Variants in PTPRM observed in about 807,000 individuals in gnomAD.
PTPRM encodes protein tyrosine phosphatase receptor type M.
Under a neutral mutation model 186.7 loss-of-function variants are expected in PTPRM, and 47 were observed. The observed-to-expected ratio is 0.25, with a 90% confidence interval of 0.20 to 0.32. The LOEUF (loss-of-function observed/expected upper bound fraction) is 0.32, where lower values mean the gene tolerates loss of function less well. Among genes scored for constraint, PTPRM ranks in the 10% least tolerant of loss-of-function variants. The probability of loss-of-function intolerance (pLI) is 1.00; values close to 1 mark genes in which losing one functional copy is unlikely to be tolerated. For missense variants in PTPRM, 1,494 were observed against 1,865.0 expected, an observed-to-expected ratio of 0.80 and a Z score of 3.66; for synonymous variants, 668 against 674.9, an observed-to-expected ratio of 0.99 and a Z score of 0.16.
chr18:7,806,519 T>C (rs998278485), intron 2 of PTPRM, among the ~76,000 whole-genome samples: 1 of 152,166 alleles, frequency 6.6e-6, no homozygotes, highest in African/African-American at 2.4e-5. Flanking sequence ...AATTAAAATA[T>C]AGCAATGAAA....
rs771382024 is a variant in PTPRM at position 8,376,529 on chromosome 18, G to A, written c.3394G>A (p.Gly1132Arg). 6.2e-7 allele frequency: 1 copy of A among 1,614,032 alleles called. No homozygotes were observed. The highest frequency in any genetic ancestry group is 8.5e-7 in the Non-Finnish European group (1 of 1,180,018). The change falls in exon 26 of 33, where the codon GGG becomes AGG. Residue 1132 changes from glycine to arginine, a missense_variant. Gly to Arg is a moderately radical substitution (Grantham distance 125). Coordinates refer to ENST00000580170, the MANE Select transcript of PTPRM (RefSeq NM_001105244.2). ...CATGTTGGACATGGCCGAAAGGGAAGGGGTCGTAGACATCTACAACTGCGT... is the reference window on the plus strand; with the variant it reads ...CATGTTGGACATGGCCGAAAGGGAAAGGGTCGTAGACATCTACAACTGCGT... ...DIMLDMAERE[G>R]VVDIYNCVRE... is the part of the protein sequence containing the mutation.
chr18:7,726,563 A>G (rs1462809482), intron 1 of PTPRM, among the ~76,000 whole-genome samples: 1 of 152,148 alleles, frequency 6.6e-6, no homozygotes, highest in Non-Finnish European at 1.5e-5. Context: ...TGAGTGGTGT[A>G]TCTTTACCTC....
chr18:7,602,938 T>G (rs536378216), intron 1 of PTPRM, among the ~76,000 whole-genome samples: 260 of 143,752 alleles, frequency 1.8e-3, no homozygotes, highest in African/African-American at 6.4e-3. Flanking sequence ...TTATTATTAT[T>G]ATTATTTGAG....
In PTPRM at chr18:8,067,551, A is replaced by G. The variant is rs112468866; in HGVS notation, c.1133-2135A>G. Among the ~76,000 whole-genome samples, 899 of 152,298 alleles carry G rather than the reference A, an allele frequency of 5.9e-3. 11 individuals are homozygous for G. The highest frequency in any genetic ancestry group is 0.02 in the African/African-American group (833 of 41,568). On this transcript the variant is annotated intron_variant, in intron 7 of 32. Coordinates refer to ENST00000580170, the MANE Select transcript of PTPRM (RefSeq NM_001105244.2). Reference sequence around the variant, plus strand: ...AGCATGAATGATCTTTATTAATCCCATTTTATGATTGCAGCAGATATCTGG... The same window carrying G: ...AGCATGAATGATCTTTATTAATCCCGTTTTATGATTGCAGCAGATATCTGG...
Position 7,568,079 on chromosome 18 carries a change from C to T in PTPRM, c.73+188C>T, listed in dbSNP as rs2036472598. ...GAGGGGCCGTGGGGCTGGCAGGCAC[C>T]CAGTCCTCGGGCGGGCGGAGCGGAC... On this transcript the variant is annotated intron_variant, in intron 1 of 32. Coordinates refer to ENST00000580170, the MANE Select transcript of PTPRM (RefSeq NM_001105244.2). The surrounding 1 kb of genome is among the most constrained non-coding windows in gnomAD (Gnocchi z 5.1). 6.6e-6 allele frequency among the ~76,000 whole-genome samples: 1 copy of T among 151,890 alleles called. No individual in the cohort carries two copies. Among genetic ancestry groups the T allele is most frequent in the African/African-American group, 2.4e-5 (1 of 41,396 alleles).
intron 7 of PTPRM, among the ~76,000 whole-genome samples, chr18:8,040,372 A>G (rs756046369): frequency 7.9e-5 from 12 of 152,152 alleles, no homozygotes; most frequent in Non-Finnish European, 1.8e-4. Flanking sequence ...GGGTATGACA[A>G]AGTGTAAGGT....
rs114804131 is a variant in PTPRM at position 8,229,382 on chromosome 18, G to A, written c.2301-14676G>A. ...GAGATTCTTTTGAAATTAAAGAGTA[G>A]GAAAATGTTTCCTTTTGATCCATTG... On this transcript the variant is annotated intron_variant, in intron 14 of 32. Transcript: ENST00000580170. Among the ~76,000 whole-genome samples the A allele has an allele frequency of 3.7e-3, 561 of 152,202 alleles. 5 individuals carry two copies. The highest frequency in any genetic ancestry group is 0.013 in the African/African-American group (531 of 41,544).
chr18:8,119,037 T>C (rs2092073549), intron 13 of PTPRM, among the ~76,000 whole-genome samples: 1 of 151,916 alleles, frequency 6.6e-6, no homozygotes, highest in Non-Finnish European at 1.5e-5. Flanking sequence ...AAAATCAGAC[T>C]GTAAGCCTTA....
chr18:8,343,804 C>T (rs2095488517), intron 23 of PTPRM, among the ~76,000 whole-genome samples: 1 of 152,194 alleles, frequency 6.6e-6, no homozygotes, highest in South Asian at 2.1e-4. Flanking sequence ...AGCATGAATG[C>T]TGATTGTTGA....
chr18:8,209,632 C>G (rs1010977503), intron 14 of PTPRM, among the ~76,000 whole-genome samples: 1 of 151,958 alleles, frequency 6.6e-6, no homozygotes, highest in African/African-American at 2.4e-5. Context: ...CCGAAGGTGA[C>G]CTTATTTGGA....
chr18:7,627,180 C>G (rs1048898199), intron 1 of PTPRM, among the ~76,000 whole-genome samples: 1 of 152,170 alleles, frequency 6.6e-6, no homozygotes, highest in African/African-American at 2.4e-5. Context: ...CTCCTGACCT[C>G]ACTGACTTGC....
intron 7 of PTPRM, among the ~76,000 whole-genome samples, chr18:8,052,283 G>T (rs774649210): frequency 6.6e-6 from 1 of 152,176 alleles, no homozygotes; most frequent in Non-Finnish European, 1.5e-5. Context: ...AGTCTCTGGG[G>T]ATGAGGCCTA....
chr18:8,208,962 G>T (rs2093965861), intron 14 of PTPRM, among the ~76,000 whole-genome samples: 1 of 152,210 alleles, frequency 6.6e-6, no homozygotes, highest in African/African-American at 2.4e-5. Flanking sequence ...AGGAGTCCTT[G>T]TGGCCGGAGC....
At chr18:8,378,759 C>T (rs2095712209) in intron 27 of PTPRM, among the ~76,000 whole-genome samples, 1 of 152,216 alleles carries the variant, frequency 6.6e-6, no homozygotes, top group African/African-American at 2.4e-5. Flanking sequence ...GGCACAGTTA[C>T]ACCATGGAAG....
intron 26 of PTPRM, chr18:8,376,845 A>T (rs1253169260): frequency 2.3e-6 from 1 of 434,336 alleles, no homozygotes; most frequent in Non-Finnish European, 4.0e-6. Flanking sequence ...ACTTTTCTGT[A>T]TTAAGGGACC....
At chr18:7,733,146 G>A (rs1272900950) in intron 1 of PTPRM, among the ~76,000 whole-genome samples, 3 of 152,004 alleles carry the variant, frequency 2.0e-5, no homozygotes, top group African/African-American at 4.8e-5. Flanking sequence ...GTGTACATGC[G>A]CCATGGTGGT....
intron 1 of PTPRM, among the ~76,000 whole-genome samples, chr18:7,607,372 G>T (rs958123823): frequency 3.9e-5 from 6 of 152,170 alleles, no homozygotes; most frequent in African/African-American, 1.4e-4. Context: ...AACGACTGAT[G>T]TGCTGGGGTG....
intron 2 of PTPRM, among the ~76,000 whole-genome samples, chr18:7,854,379 G>A (rs998920814): frequency 2.0e-5 from 3 of 151,994 alleles, no homozygotes; most frequent in African/African-American, 4.8e-5. Flanking sequence ...CTTCTGCAAA[G>A]GTTCTTAACT....
At chr18:8,356,970 T>C (rs1415750775) in intron 23 of PTPRM, among the ~76,000 whole-genome samples, 1 of 152,246 alleles carries the variant, frequency 6.6e-6, no homozygotes, top group Non-Finnish European at 1.5e-5. Context: ...TACATTTTGG[T>C]GACGGGATCC....
Sources: gnomAD v4.1 joint callset for allele counts (sites outside exome capture counted in the v4.1 genomes callset) on GRCh38, gnomAD v4.1.1 for gene constraint, Gnocchi (gnomAD v3.1) non-coding constraint, MANE v1.5 for transcripts, NCBI Gene and HGNC (gene_info 2026-07-23, HGNC 2026-07-21) for gene names.